CACNA1H: variants seen among roughly 807,000 people sequenced by gnomAD.
CACNA1H encodes the protein voltage-dependent T-type calcium channel subunit alpha-1H.
A neutral mutation model predicts 192.5 loss-of-function variants in CACNA1H; 149 were observed. The observed-to-expected ratio is 0.77, with a 90% confidence interval of 0.68 to 0.89. CACNA1H has a LOEUF of 0.89. Among genes scored for constraint, CACNA1H ranks in the 40% least tolerant of loss-of-function variants. The pLI is 0.00. For missense variants in CACNA1H, 4,257 were observed against 3,423.5 expected (o/e 1.24, Z -6.08); for synonymous variants, 2,202 against 1,475.2 (o/e 1.49, Z -11.29).
At chr16:1,193,393 C>T (rs1255630844) in intron 2 of CACNA1H, among the ~76,000 whole-genome samples, 1 of 152,270 alleles carries the variant, frequency 6.6e-6, no homozygotes, top group Non-Finnish European at 1.5e-5. Flanking sequence ...ACAGCAGGGC[C>T]TCGGCTCCTG....
chr16:1,162,257 G>C (rs1963280243), intron 2 of CACNA1H, among the ~76,000 whole-genome samples: 1 of 152,146 alleles, frequency 6.6e-6, no homozygotes, highest in Admixed American at 6.5e-5. Context: ...GTGGCACTCT[G>C]TTACAGCTGC....
Position 1,220,605 on chromosome 16 carries a change from G to T in CACNA1H, c.6673G>T (p.Ala2225Ser), listed in dbSNP as rs1567560302. 3 of 1,564,784 alleles carry T rather than the reference G, an allele frequency of 1.9e-6. No homozygotes were observed. Among genetic ancestry groups the T allele is most frequent in the Non-Finnish European group, 2.6e-6 (3 of 1,161,082 alleles). ...GAGGCGCAGGACCCCGTCCTGTGAG[G>T]CCACGCCTCACAGGGACTCCCTGGA... is the stretch of plus-strand genomic sequence containing the variant. Reference protein sequence around the residue: ...TLRRRTPSCEATPHRDSLEPT... With the variant: ...TLRRRTPSCESTPHRDSLEPT... The change falls in exon 35 of 35, where the codon GCC (alanine) becomes TCC (serine). Residue 2225 changes from alanine (A) to serine (S), a missense_variant. By Grantham distance (99) the Ala-to-Ser change is moderately conservative. Coordinates refer to ENST00000348261, the MANE Select transcript of CACNA1H (RefSeq NM_021098.3).
chr16:1,220,832 A>C lies in CACNA1H; in HGVS notation c.6900A>C (p.Ile2300=), dbSNP rs762822116. 2 of 1,612,582 alleles carry C rather than the reference A, an allele frequency of 1.2e-6. No homozygotes were observed. Among genetic ancestry groups the C allele is most frequent in the African/African-American group, 2.7e-5 (2 of 74,866 alleles). Residue 2300 remains isoleucine, a synonymous_variant, in exon 35 of 35, where the codon ATA becomes ATC. Coordinates refer to ENST00000348261, the MANE Select transcript of CACNA1H (RefSeq NM_021098.3). ...PESRASSSGA[I]VPLEPPESEP... is the part of the protein sequence containing the mutation. ...CCAGAGCTTCCTCTTCAGGGGCCAT[A>C]GTGCCCCTGGAACCCCCAGAATCAG...
At chr16:1,193,623 G>A (rs144196864) in intron 2 of CACNA1H, among the ~76,000 whole-genome samples, 12 of 152,362 alleles carry the variant, frequency 7.9e-5, no homozygotes, top group South Asian at 2.1e-4. Flanking sequence ...GGCTGATTTC[G>A]GCTTTCTTGC....
chr16:1,201,974 C>T lies in CACNA1H; in HGVS notation c.1524C>T (p.Gly508=). 6.5e-7 allele frequency: 1 copy of T among 1,543,230 alleles called. No homozygotes were observed. The highest frequency in any genetic ancestry group is 8.7e-7 in the Non-Finnish European group (1 of 1,144,120). ...CCGGGCACCGCCAGCGCCGGGCAGG[C>T]AGGCACACAGCCTCGGTGCACCACC... is the stretch of plus-strand genomic sequence containing the variant. ...QGPGHRQRRA[G]RHTASVHHLV... Residue 508 remains glycine (G), a synonymous_variant, in exon 9 of 35, where the codon GGC becomes GGT. Coordinates refer to ENST00000348261, the MANE Select transcript of CACNA1H (RefSeq NM_021098.3).
rs1336055363 is a variant in CACNA1H, at chr16:1,193,973, C to G, written c.300-999C>G. Among the ~76,000 whole-genome samples, 4 of 152,138 alleles carry G rather than the reference C, an allele frequency of 2.6e-5. No homozygotes were observed. The East Asian group carries it at 7.7e-4, about 29-fold the overall frequency. ...TGACCCCAGTGCTGCACGCAGCACCCAGGACCTCCGCTGTAGTGAGCGTGG... is the reference window on the plus strand; with the variant it reads ...TGACCCCAGTGCTGCACGCAGCACCGAGGACCTCCGCTGTAGTGAGCGTGG... On this transcript the variant is annotated intron_variant, in intron 2 of 34. Transcript: ENST00000348261.
intron 2 of CACNA1H, among the ~76,000 whole-genome samples, chr16:1,175,628 A>G (rs11640796): frequency 0.16 from 24,153 of 152,082 alleles, 2,865 homozygotes; most frequent in East Asian, 0.67. Flanking sequence ...ATTTACTCTC[A>G]TGTCCGAGAA....
rs533305584 is a variant in CACNA1H at position 1,181,946 on chromosome 16, C to T, written c.300-13026C>T. Among the ~76,000 whole-genome samples the T allele has an allele frequency of 2.7e-5, 4 of 149,832 alleles. No homozygotes were observed. In the South Asian group the frequency reaches 6.2e-4, roughly 23 times the overall value. On this transcript the variant is annotated intron_variant, in intron 2 of 34. Transcript: ENST00000348261. ...ATGCATGTCCCCTTTGCACACACGCCCCCTCGCACACGCATGCCCCCTCGC... is the reference window on the plus strand; with the variant it reads ...ATGCATGTCCCCTTTGCACACACGCTCCCTCGCACACGCATGCCCCCTCGC...
chr16:1,197,271 T>G (rs943483309), intron 5 of CACNA1H, among the ~76,000 whole-genome samples: 4 of 152,144 alleles, frequency 2.6e-5, no homozygotes, highest in Non-Finnish European at 4.4e-5. Context: ...ACCCCAAGGG[T>G]GGCTGAGCGT....
chr16:1,188,609 T>TGCCCAC (rs1458713814), intron 2 of CACNA1H, among the ~76,000 whole-genome samples: 6 of 152,218 alleles, frequency 3.9e-5, no homozygotes, highest in Non-Finnish European at 8.8e-5. Flanking sequence ...GCTCTGGGGC[T>TGCCCAC]GCCCACGCCC....
At chr16:1,215,151 C>T (rs569716967) in intron 28 of CACNA1H, 70 bp downstream of exon 28, 2 of 1,581,264 alleles carry the variant, frequency 1.3e-6, no homozygotes, top group East Asian at 2.3e-5. Flanking sequence ...GCAGGTGAGG[C>T]CGCAGGCTTT....
At position 1,221,075 on chromosome 16, in the gene CACNA1H, A is replaced by G. The variant is rs942788538; in HGVS notation, c.*81A>G. 1.8e-6 allele frequency: 2 copies of G among 1,090,480 alleles called. No homozygotes were observed. The highest frequency in any genetic ancestry group is 2.9e-5 in the Admixed American group (1 of 35,004). 67.6% of individuals were successfully genotyped at this position (1,090,480 alleles called of 1,614,324 possible). On this transcript the variant is annotated 3_prime_UTR_variant, in exon 35 of 35. Coordinates refer to ENST00000348261, the MANE Select transcript of CACNA1H (RefSeq NM_021098.3). ...GGTGGAGGCCCAGGCAGAACCCTGC[A>G]TGGACCCTGACTTGGGTCCCGTCGT... is the stretch of plus-strand genomic sequence containing the variant.
rs967347672 is a variant in CACNA1H, at chr16:1,220,546, G to A, written c.6614G>A (p.Arg2205Gln). 1.3e-6 allele frequency: 2 copies of A among 1,530,948 alleles called. No homozygotes were observed. The highest frequency in any genetic ancestry group is 1.4e-5 in the African/African-American group (1 of 71,764). 94.8% of individuals were successfully genotyped at this position (1,530,948 alleles called of 1,614,324 possible). The change falls in exon 35 of 35, where the codon CGG becomes CAG. Residue 2205 changes from arginine to glutamine, a missense_variant. Coordinates refer to ENST00000348261, the MANE Select transcript of CACNA1H (RefSeq NM_021098.3). Reference sequence around the variant, plus strand: ...CCTGCGGAGGACGAGGGCTCTGCGCGGCCCTCCGCGGCAGAGGGCGGCAGC... The same window carrying A: ...CCTGCGGAGGACGAGGGCTCTGCGCAGCCCTCCGCGGCAGAGGGCGGCAGC... ...EPPAEDEGSA[R>Q]PSAAEGGSTT...
chr16:1,212,621 G>T, intron 26 of CACNA1H, 93 bp downstream of exon 26: 1 of 1,477,394 alleles, frequency 6.8e-7, no homozygotes, highest in Non-Finnish European at 9.2e-7. Flanking sequence ...GTCCTCCGCA[G>T]GGTGGGCACA....
chr16:1,186,465 G>A (rs568600459), intron 2 of CACNA1H, among the ~76,000 whole-genome samples: 5 of 152,144 alleles, frequency 3.3e-5, no homozygotes, highest in African/African-American at 7.2e-5. Flanking sequence ...AACGTCAAAG[G>A]GTCACTGTGG....
Position 1,202,054 on chromosome 16 carries a change from GC to G in CACNA1H, c.1609del (p.Arg537AlafsTer46). 2.0e-6 allele frequency: 3 copies of G among 1,537,918 alleles called. No individual in the cohort carries two copies. The highest frequency in any genetic ancestry group is 2.6e-6 in the Non-Finnish European group (3 of 1,144,144). On this transcript the variant is annotated frameshift_variant, in exon 9 of 35. Transcript: ENST00000348261. LOFTEE classifies it high-confidence loss of function. ...CACCACTACCATTTCAGCCATGGCA[GC>G]CCCCGCAGGCCCGGCCCCGAGCCAG... ...HHHHYHFSHG[S>X]PRRPGPEPGA...
intron 2 of CACNA1H, among the ~76,000 whole-genome samples, chr16:1,184,421 C>T (rs1345706309): frequency 2.0e-5 from 3 of 152,268 alleles, no homozygotes; most frequent in South Asian, 2.1e-4. Context: ...CACCTGCACA[C>T]AGCAGCTGTC....
At position 1,196,159 on chromosome 16, in the gene CACNA1H, C is replaced by T. The variant is rs909578434; in HGVS notation, c.643+136C>T. The stretch of plus-strand genomic sequence containing the variant: ...CCAGGCACTCCGGCCCCAGCCCAGA[C>T]CCCAGCAGTGGGGTGGCCCCTGCCG... On this transcript the variant is annotated intron_variant, in intron 5 of 34. Coordinates refer to ENST00000348261, the MANE Select transcript of CACNA1H (RefSeq NM_021098.3). 2.9e-4 allele frequency: 200 copies of T among 686,924 alleles called. 7 individuals carry two copies. Among genetic ancestry groups the T allele is most frequent in the South Asian group, 2.2e-3 (126 of 57,680 alleles). 42.6% of individuals were successfully genotyped at this position (686,924 alleles called of 1,614,324 possible). A position where few individuals can be genotyped will look rare whatever the true frequency, so the allele number is the denominator to read the frequency against.
intron 27 of CACNA1H, 49 bp downstream of exon 27, chr16:1,213,980 T>C (rs1969767877): frequency 2.6e-6 from 4 of 1,523,494 alleles, no homozygotes; most frequent in African/African-American, 1.4e-5. Flanking sequence ...GCACCCCCAG[T>C]GGGGCAGCCA....
Sources: gnomAD v4.1 joint callset for allele counts (sites outside exome capture counted in the v4.1 genomes callset) on GRCh38, gnomAD v4.1.1 for gene constraint, MANE v1.5 for transcripts, NCBI Gene and HGNC (gene_info 2026-07-23, HGNC 2026-07-21) for gene names.